The following PTCHD4 variants were observed in gnomAD, a reference collection of about 807,000 sequenced individuals.
PTCHD4 encodes the protein patched domain-containing protein 4.
Under a neutral mutation model 58.1 loss-of-function variants are expected in PTCHD4, and 33 were observed. The observed-to-expected ratio is 0.57, with a 90% CI of 0.43 to 0.76. The LOEUF (loss-of-function observed/expected upper bound fraction) is 0.76. Ranked by LOEUF, PTCHD4 falls within the 30% of genes least tolerant of loss-of-function variation. The pLI is 0.00. For synonymous variants in PTCHD4, 478 were observed against 409.6 expected, an observed-to-expected ratio of 1.17 and a Z score of -2.02; for missense variants, 1,058 against 1,027.1, an observed-to-expected ratio of 1.03 and a Z score of -0.41.
intron 4 of PTCHD4, among the ~76,000 whole-genome samples, chr6:47,997,906 A>G (rs960615160): frequency 1.3e-5 from 2 of 152,216 alleles, no homozygotes; most frequent in Non-Finnish European, 2.9e-5. Context: ...TTAGATCACT[A>G]GGTATGATAA....
At chr6:48,062,635 C>T (rs948136061) in intron 3 of PTCHD4, among the ~76,000 whole-genome samples, 2 of 152,106 alleles carry the variant, frequency 1.3e-5, no homozygotes, top group Admixed American at 6.5e-5. Flanking sequence ...ACTTTGGGTG[C>T]TCAGAAAAAT....
At chr6:47,964,633 G>A (rs533007336) in intron 4 of PTCHD4, among the ~76,000 whole-genome samples, 2 of 151,754 alleles carry the variant, frequency 1.3e-5, no homozygotes, top group Non-Finnish European at 2.9e-5. Context: ...TGTAAATGTC[G>A]CAAAGTATTT....
chr6:47,952,622 T>C lies in PTCHD4; in HGVS notation c.898+56012A>G, dbSNP rs528939198. Among the ~76,000 whole-genome samples, 7 of 152,294 alleles carry C rather than the reference T, an allele frequency of 4.6e-5. No individual in the cohort carries two copies. The South Asian group carries it at 1.2e-3, about 27-fold the overall frequency. The stretch of plus-strand genomic sequence containing the variant: ...ACAATACCATATTTTTGTTATACCT[T>C]GCTATACCTTTCTTTATTTAGATAT... On this transcript the variant is annotated intron_variant, in intron 4 of 4. Coordinates refer to ENST00000339488, the MANE Select transcript of PTCHD4 (RefSeq NM_001384253.1).
At chr6:48,035,817 C>T (rs924168895) in intron 3 of PTCHD4, among the ~76,000 whole-genome samples, 1 of 152,126 alleles carries the variant, frequency 6.6e-6, no homozygotes, top group Admixed American at 6.6e-5. Flanking sequence ...ATCTCCCTTG[C>T]CACTGATGTT....
At chr6:48,056,795 G>T (rs1764419945) in intron 3 of PTCHD4, among the ~76,000 whole-genome samples, 2 of 152,148 alleles carry the variant, frequency 1.3e-5, no homozygotes, top group Non-Finnish European at 2.9e-5. Context: ...CCTTCTGGCT[G>T]ATGATCACTG....
At chr6:48,035,436 G>C (rs1318960898) in intron 3 of PTCHD4, among the ~76,000 whole-genome samples, 2 of 152,088 alleles carry the variant, frequency 1.3e-5, no homozygotes, top group African/African-American at 4.8e-5. Context: ...TTATGATTCA[G>C]AAATTATGAA....
chr6:48,101,342 T>C (rs961294287), intron 1 of PTCHD4, among the ~76,000 whole-genome samples: 4 of 152,194 alleles, frequency 2.6e-5, no homozygotes, highest in Non-Finnish European at 5.9e-5. Flanking sequence ...TATAAAACAG[T>C]TAGGAGTCTT....
At chr6:48,022,699 A>G (rs147429118) in intron 3 of PTCHD4, among the ~76,000 whole-genome samples, 48 of 152,212 alleles carry the variant, frequency 3.2e-4, no homozygotes, top group Non-Finnish European at 5.7e-4. Flanking sequence ...TAGTCTTTGT[A>G]TTAAATTCCA....
chr6:47,975,918 A>G (rs1265166697), intron 4 of PTCHD4, among the ~76,000 whole-genome samples: 1 of 152,166 alleles, frequency 6.6e-6, no homozygotes, highest in East Asian at 1.9e-4. Context: ...CCACTTATCT[A>G]TGCTTTGATC....
intron 3 of PTCHD4, among the ~76,000 whole-genome samples, chr6:48,065,959 G>A (rs941555403): frequency 1.3e-5 from 2 of 152,134 alleles, no homozygotes; most frequent in Non-Finnish European, 2.9e-5. Flanking sequence ...CTTCTACTAA[G>A]ATGTATATCA....
At chr6:48,034,380 G>T (rs866555210) in intron 3 of PTCHD4, among the ~76,000 whole-genome samples, 1 of 152,054 alleles carries the variant, frequency 6.6e-6, no homozygotes, top group South Asian at 2.1e-4. Context: ...TGTTCAGGTC[G>T]AACCTGATAA....
intron 3 of PTCHD4, among the ~76,000 whole-genome samples, chr6:48,030,290 A>G (rs1029349561): frequency 2.6e-5 from 4 of 152,076 alleles, no homozygotes; most frequent in African/African-American, 9.7e-5. Context: ...AGAGAGAAAA[A>G]TTATGTTTCC....
chr6:47,881,509 C>T (rs534836594), intron 4 of PTCHD4, among the ~76,000 whole-genome samples: 1 of 152,032 alleles, frequency 6.6e-6, no homozygotes, highest in Non-Finnish European at 1.5e-5. Flanking sequence ...ATCTTGTCTG[C>T]CTCCTTTTGG....
At chr6:47,887,807 T>A (rs1439832853) in intron 4 of PTCHD4, among the ~76,000 whole-genome samples, 1 of 152,210 alleles carries the variant, frequency 6.6e-6, no homozygotes, top group Non-Finnish European at 1.5e-5. Context: ...TAGATGATTA[T>A]CAAGCCCCAA....
In PTCHD4 at chr6:47,859,862, G is replaced by A. The variant is rs1561923306; in HGVS notation, c.*18441C>T. Among the ~76,000 whole-genome samples, 1 of 151,982 alleles carries A rather than the reference G, an allele frequency of 6.6e-6. No homozygotes were observed. The highest frequency in any genetic ancestry group is 1.5e-5 in the Non-Finnish European group (1 of 67,970). On this transcript the variant is annotated 3_prime_UTR_variant, in exon 5 of 5. Transcript: ENST00000339488. ...CTGGGGGAAGAAGAGCATTCAGGGT[G>A]GTGGGAACTGCAATGACAAAAGACC...
chr6:48,017,555 C>T (rs1762909282), intron 3 of PTCHD4, among the ~76,000 whole-genome samples: 1 of 152,090 alleles, frequency 6.6e-6, no homozygotes, highest in Non-Finnish European at 1.5e-5. Flanking sequence ...TTAACTGGGA[C>T]TTGGTTGGAA....
At chr6:47,965,803 T>G (rs949000060) in intron 4 of PTCHD4, among the ~76,000 whole-genome samples, 6 of 151,992 alleles carry the variant, frequency 3.9e-5, no homozygotes, top group African/African-American at 2.4e-5. Context: ...TAGTCCCAGC[T>G]ACTCGGGAGG....
intron 4 of PTCHD4, among the ~76,000 whole-genome samples, chr6:48,000,293 G>C (rs533295767): frequency 6.6e-6 from 1 of 152,128 alleles, no homozygotes; most frequent in African/African-American, 2.4e-5. Context: ...ACCCTGACCC[G>C]CACAATTTTC....
intron 4 of PTCHD4, among the ~76,000 whole-genome samples, chr6:47,884,627 G>A (rs1194780082): frequency 2.0e-5 from 3 of 152,184 alleles, no homozygotes; most frequent in Non-Finnish European, 2.9e-5. Context: ...TGTTCTTTGA[G>A]TCTGTCCCAT....
Sources: allele counts gnomAD v4.1 joint callset (sites outside exome capture counted in the v4.1 genomes callset), GRCh38; gene constraint gnomAD v4.1.1; transcripts MANE v1.5; gene names NCBI Gene and HGNC (gene_info 2026-07-23, HGNC 2026-07-21).